RECQL5: variants seen among roughly 807,000 people sequenced by gnomAD.
RECQL5 encodes RecQ like helicase 5.
RECQL5 carries 88 observed loss-of-function variants against 103.4 expected under a neutral mutation model. The ratio of observed to expected loss-of-function variants is 0.85; its 90% CI spans 0.72 to 1.02. The LOEUF is 1.02. Among genes scored for constraint, RECQL5 ranks in the 50% least tolerant of loss-of-function variants. RECQL5 has a pLI of 0.00. For synonymous variants in RECQL5, 552 were observed against 507.9 expected, an observed-to-expected ratio of 1.09 and a Z score of -1.17; for missense variants, 1,232 against 1,284.3, an observed-to-expected ratio of 0.96 and a Z score of 0.62.
chr17:75,643,739 G>A (rs1329079642), intron 8 of RECQL5, among the ~76,000 whole-genome samples: 1 of 152,228 alleles, frequency 6.6e-6, no homozygotes, highest in Non-Finnish European at 1.5e-5. Context: ...CATCAGGCTG[G>A]TTTCAGGTTT....
At chr17:75,658,506 G>A (rs777084373) in intron 6 of RECQL5, 46 bp from the exon 7 acceptor site, 65 of 1,589,528 alleles carry the variant, frequency 4.1e-5, no homozygotes, top group Non-Finnish European at 5.2e-5. Context: ...TGGAGAAGCT[G>A]AGTGTCCTTT....
At chr17:75,650,945 G>T in intron 8 of RECQL5, 1 of 1,451,634 alleles carries the variant, frequency 6.9e-7, no homozygotes, top group Non-Finnish European at 9.0e-7. Context: ...GAAGAGGGTG[G>T]AGTGGAGGGA....
intron 8 of RECQL5, chr17:75,650,681 C>T (rs1367037266): frequency 2.5e-6 from 4 of 1,614,094 alleles, no homozygotes; most frequent in Non-Finnish European, 3.4e-6. Flanking sequence ...CTACACCAAG[C>T]AGCCCTCAGA....
chr17:75,640,097 G>A lies in RECQL5; in HGVS notation c.1230-8429C>T. The A allele has an allele frequency of 1.4e-6, 2 of 1,414,918 alleles. No homozygotes were observed. Among genetic ancestry groups the A allele is most frequent in the Non-Finnish European group, 1.9e-6 (2 of 1,077,758 alleles). The allele number at this position is 1,414,918 out of a possible 1,614,324, so 87.6% of individuals were successfully genotyped here. ...GCGGGCTGCGGATGGGTGCGAGGGT[G>A]GAATCTCGGTGCTGCGACGAGTGTG... On this transcript the variant is annotated intron_variant, in intron 8 of 19. Transcript: ENST00000317905. This position sits in a 1 kb window ranked among gnomAD's most constrained non-coding sequence, Gnocchi z 4.6.
Position 75,629,466 on chromosome 17 carries a change from T to A in RECQL5, c.1957A>T (p.Lys653Ter). 1.3e-6 allele frequency: 2 copies of A among 1,502,886 alleles called. No individual in the cohort carries two copies. Among genetic ancestry groups the A allele is most frequent in the Non-Finnish European group, 1.8e-6 (2 of 1,126,554 alleles). 93.1% of individuals were successfully genotyped at this position (1,502,886 alleles called of 1,614,324 possible). ...PASHVYSLKPKRVGAGFPKGS... is the reference protein window; with the variant it reads ...PASHVYSLKP ...TTGGGGAAACCAGCTCCCACCCGCT[T>A]GGGTTTGAGCTGTAAATGTGAGCAG... Residue 653 changes from lysine to a stop codon, truncating the protein, a stop_gained, in exon 16 of 20, where the codon AAG becomes TAG. Transcript: ENST00000317905. LOFTEE classifies it high-confidence loss of function.
chr17:75,628,984 TC>T lies in RECQL5; in HGVS notation c.2438del (p.Gly813AspfsTer68). 2 of 1,561,446 alleles carry T rather than the reference TC, an allele frequency of 1.3e-6. No individual in the cohort carries two copies. The highest frequency in any genetic ancestry group is 1.7e-6 in the Non-Finnish European group (2 of 1,156,910). ...KYTGEEDGAG[G>X]HSPAPPQTEE... is the part of the protein sequence containing the mutation. Reference sequence around the variant, plus strand: ...CAGTCTGGGGAGGGGCAGGCGAATGTCCCCCGGCTCCATCTTCCTCCCCTGT... The same window carrying T: ...CAGTCTGGGGAGGGGCAGGCGAATGTCCCCGGCTCCATCTTCCTCCCCTGT... On this transcript the variant is annotated frameshift_variant, in exon 16 of 20. Coordinates refer to ENST00000317905, the MANE Select transcript of RECQL5 (RefSeq NM_004259.7). LOFTEE classifies it high-confidence loss of function.
At chr17:75,649,458 C>T (rs866724155) in intron 8 of RECQL5, 14 of 198,646 alleles carry the variant, frequency 7.0e-5, no homozygotes, top group Non-Finnish European at 1.2e-4. Context: ...GACCCCACAA[C>T]AAACTGACAA....
At position 75,631,585 on chromosome 17, in the gene RECQL5, G is replaced by A. The variant is rs539681330; in HGVS notation, c.1313C>T (p.Thr438Met). 46 of 1,612,980 alleles carry A rather than the reference G, an allele frequency of 2.9e-5. No individual in the cohort carries two copies. Among genetic ancestry groups the A allele is most frequent in the South Asian group, 2.7e-4 (25 of 91,070 alleles). The change falls in exon 9 of 20, where the codon ACG becomes ATG. Residue 438 changes from threonine to methionine, a missense_variant. By Grantham distance (81) the Thr-to-Met change is moderately conservative (BLOSUM62 -1). Transcript: ENST00000317905. ...AKGCDHCQNP[T>M]AVRRRLEALE... ...GGCCTCCAGCCGCCTCCGCACGGCC[G>A]TGGGGTTCTGGCAGTGGTCGCAGCC... is the stretch of plus-strand genomic sequence containing the variant.
intron 3 of RECQL5, among the ~76,000 whole-genome samples, chr17:75,663,349 G>A (rs972368003): frequency 4.6e-5 from 7 of 151,510 alleles, no homozygotes; most frequent in Non-Finnish European, 8.8e-5. Context: ...TTGACATGAC[G>A]TTGTGCACAT....
In RECQL5 at chr17:75,636,397, T is replaced by C. The variant is rs1477886972; in HGVS notation, c.1230-4729A>G. On this transcript the variant is annotated intron_variant, in intron 8 of 19. Transcript: ENST00000317905. The surrounding 1 kb of genome is among the most constrained non-coding windows in gnomAD (Gnocchi z 5.4). The stretch of plus-strand genomic sequence containing the variant: ...GAAAGACGGGAAAAATATGGGATCA[T>C]CAGTAGCCCTCCTGGGCTTCCCTGC... 6.6e-6 allele frequency among the ~76,000 whole-genome samples: 1 copy of C among 152,128 alleles called. No homozygotes were observed. The highest frequency in any genetic ancestry group is 1.5e-5 in the Non-Finnish European group (1 of 68,026).
At chr17:75,663,392 A>G (rs1599061913) in intron 3 of RECQL5, among the ~76,000 whole-genome samples, 1 of 151,766 alleles carries the variant, frequency 6.6e-6, no homozygotes, top group East Asian at 1.9e-4. Flanking sequence ...TAAAAAATAT[A>G]TATTAAAAAT....
In RECQL5 at chr17:75,662,809, G is replaced by C. The variant is rs763058935; in HGVS notation, c.441C>G (p.Ser147=). 6 of 1,614,120 alleles carry C rather than the reference G, an allele frequency of 3.7e-6. No individual in the cohort carries two copies. The South Asian group carries it at 6.6e-5, about 18-fold the overall frequency. The part of the protein sequence containing the change: ...SFQPTLNSLV[S]RHLLSYLVVD... ...CCACCAAGTAAGACAGCAGGTGGCG[G>C]GACACCAGGGAGTTCAGGGTGGGCT... is the stretch of plus-strand genomic sequence containing the variant. The change falls in exon 4 of 20, where the codon TCC becomes TCG. Residue 147 remains serine, a synonymous_variant. Coordinates refer to ENST00000317905, the MANE Select transcript of RECQL5 (RefSeq NM_004259.7).
chr17:75,630,477 G>T, intron 13 of RECQL5, 142 bp downstream of exon 13: 1 of 982,616 alleles, frequency 1.0e-6, no homozygotes, highest in Non-Finnish European at 1.5e-6. Context: ...GCCCTGGTGG[G>T]GTTGTAGGGG....
chr17:75,628,422 A>C lies in RECQL5; in HGVS notation c.2601T>G (p.Pro867=). The change falls in exon 18 of 20, where the codon CCT becomes CCG. Residue 867 remains proline, a synonymous_variant. Coordinates refer to ENST00000317905, the MANE Select transcript of RECQL5 (RefSeq NM_004259.7). ...TGGCTGAGGGGCGTGGCCTCTTCTG[A>C]GGCTGGCTCTCTGGGTTCTCCTGAG... The part of the protein sequence containing the change: ...RSQQENPESQ[P]QKRPRPSAKP... 6.2e-7 allele frequency: 1 copy of C among 1,613,558 alleles called. No individual in the cohort carries two copies. The highest frequency in any genetic ancestry group is 8.5e-7 in the Non-Finnish European group (1 of 1,179,986).
chr17:75,650,482 G>A (rs1439974000), intron 8 of RECQL5: 14 of 1,384,724 alleles, frequency 1.0e-5, no homozygotes, highest in Admixed American at 8.6e-5. Context: ...CATGAGCTTC[G>A]TGACTGTGAC....
At chr17:75,664,150 G>A (rs1270104774) in intron 3 of RECQL5, among the ~76,000 whole-genome samples, 1 of 151,626 alleles carries the variant, frequency 6.6e-6, no homozygotes, top group East Asian at 1.9e-4. Context: ...AGTTATTACT[G>A]TAGTTCCCTC....
At chr17:75,650,796 G>A (rs2059545426) in intron 8 of RECQL5, 1 of 1,554,446 alleles carries the variant, frequency 6.4e-7, no homozygotes, top group African/African-American at 1.4e-5. Flanking sequence ...AGGCTTCTGT[G>A]TGGGTCCTGG....
Position 75,629,062 on chromosome 17 carries a change from G to A in RECQL5, c.2361C>T (p.Ala787=), listed in dbSNP as rs759981670. Residue 787 remains alanine (A), a synonymous_variant, in exon 16 of 20, where the codon GCC becomes GCT. Coordinates refer to ENST00000317905, the MANE Select transcript of RECQL5 (RefSeq NM_004259.7). ...CCTGAACCCCCTCACAGGAGGGGCAGGCACCTTCTGCCTCTGGGGCTGATG... is the reference window on the plus strand; with the variant it reads ...CCTGAACCCCCTCACAGGAGGGGCAAGCACCTTCTGCCTCTGGGGCTGATG... ...LLASAPEAEG[A]CPSCEGVQGP... is the part of the protein sequence containing the mutation. 1.9e-6 allele frequency: 3 copies of A among 1,609,402 alleles called. No homozygotes were observed. Among genetic ancestry groups the A allele is most frequent in the Non-Finnish European group, 2.5e-6 (3 of 1,177,540 alleles).
At chr17:75,649,476 A>T in intron 8 of RECQL5, 1 of 238,102 alleles carries the variant, frequency 4.2e-6, no homozygotes, top group Non-Finnish European at 6.8e-6. Context: ...CAAGAAACCT[A>T]CAGCTTCCTT....
Sources: allele counts gnomAD v4.1 joint callset (sites outside exome capture counted in the v4.1 genomes callset), GRCh38; gene constraint gnomAD v4.1.1; non-coding constraint Gnocchi (gnomAD v3.1); transcripts MANE v1.5; gene names NCBI Gene and HGNC (gene_info 2026-07-23, HGNC 2026-07-21).